The following CNTN1 variants were observed in gnomAD, a reference collection of about 807,000 sequenced individuals.
CNTN1 encodes the protein contactin-1.
A neutral mutation model predicts 126.4 loss-of-function variants in CNTN1; 38 were observed. The ratio of observed to expected loss-of-function variants is 0.30; its 90% CI spans 0.23 to 0.39. The LOEUF (loss-of-function observed/expected upper bound fraction) is 0.39, where lower values mean the gene tolerates loss of function less well. Among genes scored for constraint, CNTN1 ranks in the 10% least tolerant of loss-of-function variants. The pLI is 1.00. For missense variants in CNTN1, 1,009 were observed against 1,248.4 expected (o/e 0.81, Z 2.89); for synonymous variants, 413 against 422.6 (o/e 0.98, Z 0.28).
At chr12:40,942,034 A>G (rs1946279906) in intron 12 of CNTN1, among the ~76,000 whole-genome samples, 1 of 152,208 alleles carries the variant, frequency 6.6e-6, no homozygotes. Flanking sequence ...GAAAACTAAC[A>G]TAAGTAAGCT....
intron 11 of CNTN1, 30 bp from the exon 12 acceptor site, chr12:40,939,305 G>A (rs1211663228): frequency 1.2e-6 from 2 of 1,610,888 alleles, no homozygotes; most frequent in Admixed American, 1.7e-5. Context: ...CAAACAGAAA[G>A]AGAAAGATAA....
intron 1 of CNTN1, among the ~76,000 whole-genome samples, chr12:40,778,811 T>C (rs922535895): frequency 2.0e-4 from 31 of 151,826 alleles, no homozygotes; most frequent in Middle Eastern, 3.2e-3. Context: ...CATTAAAATA[T>C]AATAGTGGGG....
chr12:40,742,147 G>A (rs753065952), intron 1 of CNTN1, among the ~76,000 whole-genome samples: 5 of 151,912 alleles, frequency 3.3e-5, no homozygotes, highest in African/African-American at 4.8e-5. Context: ...AATATAACCC[G>A]TGTAACCTAG....
intron 1 of CNTN1, among the ~76,000 whole-genome samples, chr12:40,698,360 C>G (rs549883149): frequency 4.6e-5 from 7 of 150,920 alleles, no homozygotes; most frequent in African/African-American, 1.7e-4. Flanking sequence ...CTCAGCCTCC[C>G]GAGTAGCTGG....
At chr12:41,032,006 T>G (rs541910697) in intron 23 of CNTN1, among the ~76,000 whole-genome samples, 119 of 152,322 alleles carry the variant, frequency 7.8e-4, no homozygotes, top group African/African-American at 2.6e-3. Context: ...CTACTAGATC[T>G]TAATGTTTAT....
At chr12:40,942,630 A>G (rs936148284) in intron 12 of CNTN1, among the ~76,000 whole-genome samples, 1 of 151,886 alleles carries the variant, frequency 6.6e-6, no homozygotes, top group East Asian at 1.9e-4. Flanking sequence ...AATAAATTAC[A>G]CTCCTCAGAG....
chr12:40,736,812 C>A (rs1937708123), intron 1 of CNTN1, among the ~76,000 whole-genome samples: 1 of 151,968 alleles, frequency 6.6e-6, no homozygotes, highest in Non-Finnish European at 1.5e-5. Flanking sequence ...ATAACTGGGT[C>A]TTAAACAAAC....
At chr12:40,855,044 G>C (rs1233765139) in intron 1 of CNTN1, among the ~76,000 whole-genome samples, 2 of 152,096 alleles carry the variant, frequency 1.3e-5, no homozygotes, top group Non-Finnish European at 2.9e-5. Context: ...ATTTTTGTCT[G>C]CAAGAAAGCT....
At position 41,016,794 on chromosome 12, in the gene CNTN1, G is replaced by T. The variant is rs267603461; in HGVS notation, c.2297G>T (p.Arg766Leu). 4.9e-5 allele frequency: 79 copies of T among 1,613,986 alleles called. 1 individual carries two copies. The South Asian group carries it at 8.1e-4, about 17-fold the overall frequency. The change falls in exon 19 of 24, where the codon CGA becomes CTA. Residue 766 changes from arginine to leucine, a missense_variant. Arg to Leu is a moderately radical substitution (Grantham distance 102). Transcript: ENST00000551295. ...ACAGTTACTAATCCTGATACTGGCC[G>T]ATATGTCCATAAAGATGAAACCATG... ...KVTVTNPDTG[R>L]YVHKDETMSP...
At chr12:41,028,186 C>T (rs1949074395) in intron 22 of CNTN1, among the ~76,000 whole-genome samples, 1 of 152,034 alleles carries the variant, frequency 6.6e-6, no homozygotes, top group Admixed American at 6.6e-5. Context: ...TGCCCACACC[C>T]ACACCCGGCT....
At chr12:40,906,832 T>A (rs1479956590) in intron 1 of CNTN1, among the ~76,000 whole-genome samples, 2 of 151,728 alleles carry the variant, frequency 1.3e-5, no homozygotes, top group Non-Finnish European at 2.9e-5. Flanking sequence ...CATGCGCCAC[T>A]AAGCCAGGCT....
At chr12:40,719,975 T>A (rs533189601) in intron 1 of CNTN1, among the ~76,000 whole-genome samples, 1 of 151,838 alleles carries the variant, frequency 6.6e-6, no homozygotes, top group Non-Finnish European at 1.5e-5. Flanking sequence ...GTAGCTGGGA[T>A]TACAGGCGCA....
intron 14 of CNTN1, among the ~76,000 whole-genome samples, chr12:40,949,421 CCCCCT>C (rs1946574076): frequency 1.4e-5 from 2 of 140,576 alleles, no homozygotes; most frequent in African/African-American, 2.6e-5. Context: ...TATCCCTACC[CCCCCT>C]CCCCCCACCC....
At chr12:40,962,701 CTTTAA>C (rs1182522619) in intron 15 of CNTN1, among the ~76,000 whole-genome samples, 1 of 152,096 alleles carries the variant, frequency 6.6e-6, no homozygotes, top group Non-Finnish European at 1.5e-5. Flanking sequence ...AGCTATAGCA[CTTTAA>C]TTTATTTACC....
chr12:41,069,176 C>A (rs534783), intron 23 of CNTN1, among the ~76,000 whole-genome samples: 1 of 151,924 alleles, frequency 6.6e-6, no homozygotes, highest in Non-Finnish European at 1.5e-5. Context: ...TCACCCAAGA[C>A]GTAAATTAAG....
chr12:41,012,846 G>C (rs1429017229), intron 17 of CNTN1, among the ~76,000 whole-genome samples: 1 of 152,122 alleles, frequency 6.6e-6, no homozygotes, highest in African/African-American at 2.4e-5. Context: ...AATGTTGTAC[G>C]CTGGTATCAT....
intron 1 of CNTN1, among the ~76,000 whole-genome samples, chr12:40,745,367 A>G (rs1938139044): frequency 6.6e-6 from 1 of 152,126 alleles, no homozygotes; most frequent in African/African-American, 2.4e-5. Flanking sequence ...GGGCCATGAG[A>G]CATCAGTCAA....
intron 1 of CNTN1, among the ~76,000 whole-genome samples, chr12:40,799,773 C>A (rs1334078425): frequency 6.6e-6 from 1 of 151,950 alleles, no homozygotes; most frequent in African/African-American, 2.4e-5. Context: ...TATATACAAG[C>A]ACTATGCTTG....
chr12:40,866,256 A>G (rs1943294082), intron 1 of CNTN1, among the ~76,000 whole-genome samples: 1 of 152,098 alleles, frequency 6.6e-6, no homozygotes, highest in African/African-American at 2.4e-5. Flanking sequence ...GTCATCTGCC[A>G]ATAAAAATAG....
Sources: allele counts gnomAD v4.1 joint callset (sites outside exome capture counted in the v4.1 genomes callset), GRCh38; gene constraint gnomAD v4.1.1; transcripts MANE v1.5; gene names NCBI Gene and HGNC (gene_info 2026-07-23, HGNC 2026-07-21).